P2RX4: variants seen among roughly 807,000 people sequenced by gnomAD.
The protein encoded by P2RX4 is P2X purinoceptor 4.
A neutral mutation model predicts 48.0 loss-of-function variants in P2RX4; 37 were observed. That is an observed-to-expected ratio of 0.77 (90% CI 0.59 to 1.01). P2RX4 has a LOEUF of 1.01. Ranked by LOEUF, P2RX4 falls within the 50% of genes least tolerant of loss-of-function variation. The probability of loss-of-function intolerance (pLI) is 0.00; values close to 1 mark genes in which losing one functional copy is unlikely to be tolerated. For synonymous variants in P2RX4, 200 were observed against 199.7 expected (o/e 1.00, Z -0.01); for missense variants, 501 against 521.4 (o/e 0.96, Z 0.38).
At chr12:121,210,825 C>T (rs1050541238) in intron 1 of P2RX4, among the ~76,000 whole-genome samples, 4 of 152,232 alleles carry the variant, frequency 2.6e-5, no homozygotes, top group Admixed American at 2.6e-4. Flanking sequence ...TTACCCTCTC[C>T]TGCCTGACCC....
chr12:121,229,951 C>G lies in P2RX4; in HGVS notation c.884+852C>G, dbSNP rs1887234777. On this transcript the variant is annotated intron_variant, in intron 8 of 11. Transcript: ENST00000337233. This position sits in a 1 kb window ranked among gnomAD's most constrained non-coding sequence, Gnocchi z 4.6. ...CTTAACAAATTACGTCTGCCAATAT[C>G]CCATTTCCAAATAAGGTCACACTCC... Among the ~76,000 whole-genome samples, 1 of 152,214 alleles carries G rather than the reference C, an allele frequency of 6.6e-6. No homozygotes were observed. Among genetic ancestry groups the G allele is most frequent in the Admixed American group, 6.5e-5 (1 of 15,276 alleles).
chr12:121,224,171 C>G (rs1236089165), intron 5 of P2RX4, among the ~76,000 whole-genome samples: 1 of 152,204 alleles, frequency 6.6e-6, no homozygotes, highest in Non-Finnish European at 1.5e-5. Context: ...GGGCTAGAGT[C>G]AGACCCACCC....
chr12:121,217,292 C>G lies in P2RX4; in HGVS notation c.282+11C>G, dbSNP rs778188156. 1.9e-6 allele frequency: 3 copies of G among 1,613,328 alleles called. No individual in the cohort carries two copies. In the African/African-American group the frequency reaches 4.0e-5, roughly 22 times the overall value. On this transcript the variant is annotated intron_variant, in intron 2 of 11. Transcript: ENST00000337233. ...GTGATACCAGCTCAGGTGTGTCTCC[C>G]ACTGTGTCTTCTGTCTAACACTGAC...
At position 121,210,220 on chromosome 12, in the gene P2RX4, G is replaced by A; in HGVS notation, c.56G>A (p.Arg19His). ...TTCCTGTTCGAGTACGACACGCCGC[G>A]CATCGTGCTCATCCGCAGCCGCAAA... Reference protein sequence around the residue: ...AAFLFEYDTPRIVLIRSRKVG... With the variant: ...AAFLFEYDTPHIVLIRSRKVG... The change falls in exon 1 of 12, where the codon CGC becomes CAC. Residue 19 changes from arginine (R) to histidine (H), a missense_variant. Around this residue, in one of 3 missense-constraint regions of P2RX4, gnomAD observed 295 missense variants for 275.3 expected, o/e 1.07. Coordinates refer to ENST00000337233, the MANE Select transcript of P2RX4 (RefSeq NM_002560.3). 1.3e-6 allele frequency: 2 copies of A among 1,559,368 alleles called. No individual in the cohort carries two copies. The highest frequency in any genetic ancestry group is 1.2e-5 in the South Asian group (1 of 85,072).
chr12:121,222,186 TG>T lies in P2RX4; in HGVS notation c.427+24del. ...GCAACGGTACGAGCTTGTGGCCTCCTGGGGAGGGCGGCCCCTGAGCAGATCG... is the reference window on the plus strand; with the variant it reads ...GCAACGGTACGAGCTTGTGGCCTCCTGGGAGGGCGGCCCCTGAGCAGATCG... On this transcript the variant is annotated intron_variant, in intron 4 of 11. Transcript: ENST00000337233. 1 of 1,562,918 alleles carries T rather than the reference TG, an allele frequency of 6.4e-7. No homozygotes were observed. The highest frequency in any genetic ancestry group is 8.8e-7 in the Non-Finnish European group (1 of 1,133,902).
intron 5 of P2RX4, among the ~76,000 whole-genome samples, chr12:121,228,100 T>A: frequency 6.6e-6 from 1 of 151,488 alleles, no homozygotes; most frequent in East Asian, 1.9e-4. Context: ...GTCTCAAAAA[T>A]ATATATAGGC....
In P2RX4 at chr12:121,222,991, A is replaced by G; in HGVS notation, c.472A>G (p.Thr158Ala). The stretch of plus-strand genomic sequence containing the variant: ...CGTAGCTTTCAACGGGTCTGTCAAG[A>G]CGTGTGAGGTGGCGGCCTGGTGCCC... ...RCVAFNGSVK[T>A]CEVAAWCPVE... is the part of the protein sequence containing the mutation. The change falls in exon 5 of 12, where the codon ACG (threonine) becomes GCG (alanine). Residue 158 changes from threonine to alanine, a missense_variant. Physicochemically the swap from Thr to Ala is moderately conservative, Grantham distance 58. Transcript: ENST00000337233. The G allele has an allele frequency of 6.2e-7, 1 of 1,613,870 alleles. No homozygotes were observed. The highest frequency in any genetic ancestry group is 1.3e-5 in the African/African-American group (1 of 75,018).
intron 4 of P2RX4, 101 bp from the exon 5 acceptor site, chr12:121,222,846 G>C: frequency 7.0e-7 from 1 of 1,429,984 alleles, no homozygotes; most frequent in South Asian, 1.2e-5. Flanking sequence ...AAGACTGGCT[G>C]CATGGGAGGC....
At position 121,222,002 on chromosome 12, in the gene P2RX4, A is replaced by G. The variant is rs755448507; in HGVS notation, c.354+18A>G. The G allele has an allele frequency of 6.2e-7, 1 of 1,612,384 alleles. No homozygotes were observed. Among genetic ancestry groups the G allele is most frequent in the South Asian group, 1.1e-5 (1 of 91,046 alleles). Reference sequence around the variant, plus strand: ...GCCCCGAGGTAGGAGGCCCCCGGGAAGAGCCCCAGGCCCCACACCCCTCTC... The same window carrying G: ...GCCCCGAGGTAGGAGGCCCCCGGGAGGAGCCCCAGGCCCCACACCCCTCTC... On this transcript the variant is annotated intron_variant, in intron 3 of 11. Coordinates refer to ENST00000337233, the MANE Select transcript of P2RX4 (RefSeq NM_002560.3).
At chr12:121,233,336 T>C in intron 11 of P2RX4, 187 bp from the exon 12 acceptor site, 1 of 663,344 alleles carries the variant, frequency 1.5e-6, no homozygotes, top group East Asian at 2.7e-5. Context: ...GTGATGATAA[T>C]GCATGCTCTG....
rs11829316 is a variant in P2RX4 at position 121,232,987 on chromosome 12, C to G, written c.1045-10C>G. On this transcript the variant is annotated splice_polypyrimidine_tract_variant and intron_variant, in intron 10 of 11. Transcript: ENST00000337233. This position sits in a 1 kb window ranked among gnomAD's most constrained non-coding sequence, Gnocchi z 4.3. ...CATCCTGGCTCACTCTCACCCTATG[C>G]TAAACTCAGGCGACCGTGCTGTGTG... is the stretch of plus-strand genomic sequence containing the variant. The G allele has an allele frequency of 1.3e-3, 2,031 of 1,602,334 alleles. 29 individuals are homozygous for G. The African/African-American group carries it at 0.023, about 18-fold the overall frequency.
chr12:121,217,762 T>TAAAAAAAAAA (rs113432941), intron 2 of P2RX4, among the ~76,000 whole-genome samples: 2 of 52,386 alleles, frequency 3.8e-5, no homozygotes, highest in South Asian at 6.4e-4. Flanking sequence ...CCCATCTCTA[T>TAAAAAAAAAA]AAAAAAAAAA....
At chr12:121,214,061 G>A (rs1307826009) in intron 1 of P2RX4, 1 of 152,086 alleles carries the variant, frequency 6.6e-6, no homozygotes. Flanking sequence ...AATTAGCTTG[G>A]CATAGTGGCG....
In P2RX4 at chr12:121,219,627, A is replaced by G. The variant is rs371322911; in HGVS notation, c.283-2286A>G. On this transcript the variant is annotated intron_variant, in intron 2 of 11. Coordinates refer to ENST00000337233, the MANE Select transcript of P2RX4 (RefSeq NM_002560.3). ...TGGATGGATGGATGGATAGATAGAT[A>G]GATAGATAGATAGATAGATAGATAG... Among the ~76,000 whole-genome samples the G allele has an allele frequency of 6.8e-3, 611 of 90,326 alleles. 3 individuals carry two copies. Among genetic ancestry groups the G allele is most frequent in the Middle Eastern group, 0.011 (2 of 178 alleles). 59.3% of individuals were successfully genotyped at this position (90,326 alleles called of 152,430 possible). A position where few individuals can be genotyped will look rare whatever the true frequency, so the allele number is the denominator to read the frequency against.
At chr12:121,223,942 G>C (rs995001644) in intron 5 of P2RX4, among the ~76,000 whole-genome samples, 1 of 152,106 alleles carries the variant, frequency 6.6e-6, no homozygotes, top group African/African-American at 2.4e-5. Context: ...TCTGCATCCC[G>C]CCGTGCCAGC....
At chr12:121,217,868 G>A (rs753954599) in intron 2 of P2RX4, among the ~76,000 whole-genome samples, 105 of 152,060 alleles carry the variant, frequency 6.9e-4, no homozygotes, top group Non-Finnish European at 8.1e-4. Flanking sequence ...CATCGGGAGC[G>A]AAAGGAAGGG....
intron 2 of P2RX4, among the ~76,000 whole-genome samples, chr12:121,221,639 C>A (rs760150424): frequency 6.7e-6 from 1 of 150,180 alleles, no homozygotes; most frequent in East Asian, 2.0e-4. Context: ...GTGATCCGCC[C>A]GCCTCAGCCT....
chr12:121,228,403 T>TAC (rs1887121756), intron 5 of P2RX4, 130 bp from the exon 6 acceptor site: 8 of 263,150 alleles, frequency 3.0e-5, no homozygotes, highest in Non-Finnish European at 4.9e-5. Context: ...TATATATATA[T>TAC]ATACACACAC....
chr12:121,217,762 T>TA (rs113432941), intron 2 of P2RX4, among the ~76,000 whole-genome samples: 2,276 of 52,294 alleles, frequency 0.044, 54 homozygotes, highest in African/African-American at 0.12. Context: ...CCCATCTCTA[T>TA]AAAAAAAAAA....
Sources: gnomAD v4.1 joint callset for allele counts (sites outside exome capture counted in the v4.1 genomes callset) on GRCh38, gnomAD v4.1.1 for gene constraint, gnomAD v4.1.1 regional missense constraint, Gnocchi (gnomAD v3.1) non-coding constraint, MANE v1.5 for transcripts, NCBI Gene and HGNC (gene_info 2026-07-23, HGNC 2026-07-21) for gene names.